Variants in CGNL1 observed in about 807,000 individuals in gnomAD.
CGNL1 encodes cingulin like 1, also known as cingulin-like protein 1.
Under a neutral mutation model 141.2 loss-of-function variants are expected in CGNL1, and 132 were observed. That is an observed-to-expected ratio of 0.93 (90% CI 0.81 to 1.08). The LOEUF is 1.08. CGNL1 is among the 50% of genes least tolerant of loss of function. The pLI, the probability that CGNL1 is intolerant of heterozygous loss-of-function variation, is 0.00. For synonymous variants in CGNL1, 690 were observed against 622.1 expected, an observed-to-expected ratio of 1.11 and a Z score of -1.63; for missense variants, 1,870 against 1,588.6, an observed-to-expected ratio of 1.18 and a Z score of -3.01.
At chr15:57,418,858 G>A (rs1176743971) in intron 1 of CGNL1, among the ~76,000 whole-genome samples, 5 of 152,162 alleles carry the variant, frequency 3.3e-5, no homozygotes, top group Admixed American at 3.3e-4. Context: ...CAGAGCTGGC[G>A]GGTGAGTCGG....
At chr15:57,393,119 G>C (rs1298251797) in intron 1 of CGNL1, among the ~76,000 whole-genome samples, 3 of 152,178 alleles carry the variant, frequency 2.0e-5, no homozygotes, top group African/African-American at 7.2e-5. Flanking sequence ...CTTACATTGT[G>C]CCATAGTCTT....
At position 57,505,030 on chromosome 15, in the gene CGNL1, G is replaced by A. The variant is rs139534181; in HGVS notation, c.2404-11750G>A. On this transcript the variant is annotated intron_variant, in intron 8 of 18. Coordinates refer to ENST00000281282, the MANE Select transcript of CGNL1 (RefSeq NM_032866.5). The stretch of plus-strand genomic sequence containing the variant: ...TCTGTCTGTCCCAGCTCTTTTGAGG[G>A]AGGGGGTGGCATTTTATTCTCCATC... Among the ~76,000 whole-genome samples the A allele has an allele frequency of 3.0e-3, 453 of 152,252 alleles. 4 individuals are homozygous for A. Among genetic ancestry groups the A allele is most frequent in the African/African-American group, 0.01 (436 of 41,544 alleles).
rs559119079 is a variant in CGNL1, at chr15:57,470,060, C to G, written c.2403+8168C>G. On this transcript the variant is annotated intron_variant, in intron 8 of 18. Coordinates refer to ENST00000281282, the MANE Select transcript of CGNL1 (RefSeq NM_032866.5). ...CCTCATTTCCTCTGCATTTTAACTT[C>G]AAATAATCAACTTACCCTGAATGAC... Among the ~76,000 whole-genome samples the G allele has an allele frequency of 9.9e-5, 15 of 152,232 alleles. 1 individual carries two copies. In the South Asian group the frequency reaches 3.1e-3, roughly 32 times the overall value.
chr15:57,394,791 G>T (rs1231236774), intron 1 of CGNL1, among the ~76,000 whole-genome samples: 1 of 152,170 alleles, frequency 6.6e-6, no homozygotes, highest in African/African-American at 2.4e-5. Flanking sequence ...AATATTTTCA[G>T]TTACTTTACA....
intron 1 of CGNL1, among the ~76,000 whole-genome samples, chr15:57,384,208 A>G (rs2062457873): frequency 1.3e-5 from 2 of 152,108 alleles, no homozygotes; most frequent in Admixed American, 6.5e-5. Flanking sequence ...CCTGAGTCCA[A>G]CTTTCTGGGT....
intron 1 of CGNL1, among the ~76,000 whole-genome samples, chr15:57,415,493 G>A (rs1448337354): frequency 2.0e-5 from 3 of 152,206 alleles, no homozygotes; most frequent in Non-Finnish European, 2.9e-5. Context: ...GCAGGAAGAG[G>A]CAAGGAGACA....
chr15:57,394,131 G>GTTTTTTTTTTTTTTTTTTTTTTTTTTTT (rs2062576379), intron 1 of CGNL1: 1 of 84,546 alleles, frequency 1.2e-5, no homozygotes. Context: ...TTGAGATGGA[G>GTTTTTTTTTTTTTTTTTTTTTTTTTTTT]TTTCGCTCTT....
At chr15:57,406,041 G>A (rs537905050) in intron 1 of CGNL1, 2 of 152,508 alleles carry the variant, frequency 1.3e-5, no homozygotes, top group East Asian at 1.9e-4. Context: ...AGCAGAGGTG[G>A]AGAAGATCCC....
chr15:57,443,239 A>G (rs920381941), intron 4 of CGNL1, among the ~76,000 whole-genome samples: 4 of 152,100 alleles, frequency 2.6e-5, no homozygotes, highest in African/African-American at 9.7e-5. Context: ...TTGAGTGGGG[A>G]CATAGAGATT....
chr15:57,478,732 A>T (rs1301167516), intron 8 of CGNL1, among the ~76,000 whole-genome samples: 9 of 152,100 alleles, frequency 5.9e-5, no homozygotes, highest in Non-Finnish European at 1.5e-5. Context: ...TCGACCTCCC[A>T]GGCTCAAGTC....
chr15:57,451,660 T>G (rs1444393317), intron 5 of CGNL1, 59 bp downstream of exon 5: 6 of 1,286,234 alleles, frequency 4.7e-6, no homozygotes, highest in Non-Finnish European at 6.6e-6. Context: ...ATAAAGAATA[T>G]TTTACATGCA....
intron 8 of CGNL1, among the ~76,000 whole-genome samples, chr15:57,488,335 CCTT>C (rs1391158667): frequency 6.6e-6 from 1 of 152,070 alleles, no homozygotes; most frequent in African/African-American, 2.4e-5. Flanking sequence ...AATTTTCTCC[CCTT>C]CTTCAGATTG....
chr15:57,386,284 C>T (rs2062482061), intron 1 of CGNL1, among the ~76,000 whole-genome samples: 1 of 152,194 alleles, frequency 6.6e-6, no homozygotes. Context: ...TCGCTTTTCT[C>T]CCCTGTTAAA....
rs1375448555 is a variant in CGNL1, at chr15:57,438,758, C to T, written c.759C>T (p.Ser253=). 3.7e-6 allele frequency: 6 copies of T among 1,614,110 alleles called. No homozygotes were observed. The highest frequency in any genetic ancestry group is 4.2e-6 in the Non-Finnish European group (5 of 1,180,000). The change falls in exon 2 of 19, where the codon AGC becomes AGT. Residue 253 remains serine, a synonymous_variant. Transcript: ENST00000281282. The part of the protein sequence containing the change: ...ERVGEEALFT[S]GRPLTAHSPH... The stretch of plus-strand genomic sequence containing the variant: ...TGGGAGAGGAGGCCCTTTTCACTAG[C>T]GGGAGGCCCCTGACTGCCCACAGCC...
At position 57,465,036 on chromosome 15, in the gene CGNL1, G is replaced by C. The variant is rs575045187; in HGVS notation, c.2403+3144G>C. Among the ~76,000 whole-genome samples the C allele has an allele frequency of 1.2e-4, 19 of 152,238 alleles. No homozygotes were observed. The South Asian group carries it at 3.7e-3, about 30-fold the overall frequency. On this transcript the variant is annotated intron_variant, in intron 8 of 18. Transcript: ENST00000281282. Reference sequence around the variant, plus strand: ...CAAAGTGCTGGGATTACAGATGTGAGCCACTGTGCGCGGCTTCCTTGCAGT... The same window carrying C: ...CAAAGTGCTGGGATTACAGATGTGACCCACTGTGCGCGGCTTCCTTGCAGT...
chr15:57,547,166 C>T (rs4774961), intron 18 of CGNL1, among the ~76,000 whole-genome samples, 189 bp from the exon 19 acceptor site: 21,981 of 152,208 alleles, frequency 0.14, 1,974 homozygotes, highest in Admixed American at 0.2. Context: ...CTTTCCGTGC[C>T]GAAATGGGGG....
intron 14 of CGNL1, among the ~76,000 whole-genome samples, chr15:57,542,025 C>T (rs1159389325): frequency 1.3e-5 from 2 of 152,200 alleles, no homozygotes; most frequent in Non-Finnish European, 2.9e-5. Context: ...GGGCCAGTGA[C>T]ATCATGCTGT....
chr15:57,529,587 C>CACACAT (rs1555448947), intron 13 of CGNL1, among the ~76,000 whole-genome samples: 3 of 151,424 alleles, frequency 2.0e-5, no homozygotes, highest in African/African-American at 7.3e-5. Context: ...CACACACACA[C>CACACAT]ACACACACAC....
At position 57,550,409 on chromosome 15, in the gene CGNL1, C is replaced by T. The variant is rs769624005; in HGVS notation, c.*2919C>T. The T allele has an allele frequency of 6.6e-6, 1 of 152,586 alleles. No homozygotes were observed. The highest frequency in any genetic ancestry group is 1.5e-5 in the Non-Finnish European group (1 of 68,030). 9.5% of individuals were successfully genotyped at this position (152,586 alleles called of 1,614,324 possible). On this transcript the variant is annotated 3_prime_UTR_variant, in exon 19 of 19. Transcript: ENST00000281282. Reference sequence around the variant, plus strand: ...TTTCTTCTGTTTTTTGCTTTAAGAACTAACCCCGATCAAGAGTATTTTCTT... The same window carrying T: ...TTTCTTCTGTTTTTTGCTTTAAGAATTAACCCCGATCAAGAGTATTTTCTT...
Sources: gnomAD v4.1 joint callset for allele counts (sites outside exome capture counted in the v4.1 genomes callset) on GRCh38, gnomAD v4.1.1 for gene constraint, MANE v1.5 for transcripts, NCBI Gene and HGNC (gene_info 2026-07-23, HGNC 2026-07-21) for gene names.